Variants in SESN1 observed in about 807,000 individuals in gnomAD.
The protein encoded by SESN1 is sestrin 1.
Under a neutral mutation model 59.3 loss-of-function variants are expected in SESN1, and 30 were observed. The ratio of observed to expected loss-of-function variants is 0.51; its 90% CI spans 0.38 to 0.69. SESN1 has a LOEUF of 0.69. SESN1 is among the 30% of genes least tolerant of loss of function. SESN1 has a pLI of 0.00. For missense variants in SESN1, 566 were observed against 673.0 expected, an observed-to-expected ratio of 0.84 and a Z score of 1.76; for synonymous variants, 197 against 219.9, an observed-to-expected ratio of 0.90 and a Z score of 0.92.
intron 1 of SESN1, among the ~76,000 whole-genome samples, chr6:109,078,466 T>C (rs1013656013): frequency 1.3e-5 from 2 of 152,170 alleles, no homozygotes; most frequent in Non-Finnish European, 2.9e-5. Flanking sequence ...CACTTGTATA[T>C]AAAAGACATA....
intron 1 of SESN1, among the ~76,000 whole-genome samples, chr6:109,045,365 G>A (rs970375109): frequency 6.6e-6 from 1 of 152,166 alleles, no homozygotes; most frequent in African/African-American, 2.4e-5. Flanking sequence ...CTACACTGGA[G>A]AAGTCTTTCC....
chr6:109,011,452 G>T (rs1332663137), intron 1 of SESN1, among the ~76,000 whole-genome samples: 1 of 152,000 alleles, frequency 6.6e-6, no homozygotes, highest in Non-Finnish European at 1.5e-5. Context: ...TAAATGTCAA[G>T]ATTCCTTTAT....
intron 1 of SESN1, among the ~76,000 whole-genome samples, chr6:109,003,345 T>C (rs1347457218): frequency 6.6e-6 from 1 of 151,536 alleles, no homozygotes; most frequent in Non-Finnish European, 1.5e-5. Context: ...AACCAGATAT[T>C]TTCCTTTTAA....
At chr6:108,995,758 T>C (rs552504783) in intron 5 of SESN1, among the ~76,000 whole-genome samples, 2 of 152,232 alleles carry the variant, frequency 1.3e-5, no homozygotes, top group African/African-American at 2.4e-5. Context: ...TATTCCAGCC[T>C]GGACAACAGA....
chr6:109,066,870 C>T (rs1342703998), intron 1 of SESN1, among the ~76,000 whole-genome samples: 1 of 142,526 alleles, frequency 7.0e-6, no homozygotes, highest in African/African-American at 2.8e-5. Context: ...TGAAGACTTA[C>T]AGTACAGCAA....
At chr6:108,994,341 T>C (rs935020350) in intron 6 of SESN1, 121 bp downstream of exon 6, 3 of 715,104 alleles carry the variant, frequency 4.2e-6, no homozygotes, top group Non-Finnish European at 6.5e-6. Context: ...GGAATACCTA[T>C]GCAATAGTCT....
chr6:109,000,431 C>A (rs1779591200), intron 4 of SESN1, 60 bp downstream of exon 4: 3 of 1,311,848 alleles, frequency 2.3e-6, no homozygotes, highest in African/African-American at 3.0e-5. Flanking sequence ...TTTCTGTAAT[C>A]CTAAAACTGC....
In SESN1 at chr6:109,094,161, A is replaced by C; in HGVS notation, c.-88T>G. On this transcript the variant is annotated 5_prime_UTR_variant, in exon 1 of 10. In the 5' UTR this introduces an upstream ATG that the reference lacks. Coordinates refer to ENST00000436639, the MANE Select transcript of SESN1 (RefSeq NM_014454.3). ...GTATTTTTAAAATGAAAAATGTAAA[A>C]ATAAAATCAGAGAAATCAAATCGTC... The C allele has an allele frequency of 7.3e-7, 1 of 1,375,628 alleles. No individual in the cohort carries two copies. The highest frequency in any genetic ancestry group is 9.9e-7 in the Non-Finnish European group (1 of 1,012,030). The allele number at this position is 1,375,628 out of a possible 1,614,324, so 85.2% of individuals were successfully genotyped here.
rs965415619 is a variant in SESN1 at position 109,022,958 on chromosome 6, GC to G, written c.280-20616del. ...GTGATTGTGTGCCCATCAGAAAGAG[GC>G]CAAGGGACCCTAACTCCTACCATCT... On this transcript the variant is annotated intron_variant, in intron 1 of 9. Coordinates refer to ENST00000436639, the MANE Select transcript of SESN1 (RefSeq NM_014454.3). Among the ~76,000 whole-genome samples the G allele has an allele frequency of 2.6e-5, 4 of 152,134 alleles. No individual in the cohort carries two copies. In the East Asian group the frequency reaches 7.7e-4, roughly 29 times the overall value.
At chr6:109,036,747 C>G (rs190455278) in intron 1 of SESN1, among the ~76,000 whole-genome samples, 9 of 152,282 alleles carry the variant, frequency 5.9e-5, no homozygotes, top group African/African-American at 2.2e-4. Flanking sequence ...ACAATTTTAG[C>G]TTTCTTGTTT....
In SESN1 at chr6:109,000,741, A is replaced by G. The variant is rs1399873801; in HGVS notation, c.547-68T>C. 5 of 1,239,816 alleles carry G rather than the reference A, an allele frequency of 4.0e-6. No homozygotes were observed. The African/African-American group carries it at 7.8e-5, about 19-fold the overall frequency. The allele number at this position is 1,239,816 out of a possible 1,614,324, so 76.8% of individuals were successfully genotyped here. A position where few individuals can be genotyped will look rare whatever the true frequency, so the allele number is the denominator to read the frequency against. ...TGAACTACATATCCTTTTTATTTAC[A>G]ACATGCAAAAGAGCTAATTAAGTTT... On this transcript the variant is annotated intron_variant, in intron 3 of 9. Transcript: ENST00000436639.
chr6:109,093,675 A>G (rs1439481252), intron 1 of SESN1, 120 bp downstream of exon 1: 4 of 1,006,538 alleles, frequency 4.0e-6, no homozygotes, highest in Non-Finnish European at 5.8e-6. Context: ...CACTCTAAAG[A>G]TGTAAACTCA....
chr6:109,008,934 T>TA, intron 1 of SESN1: 1 of 990,210 alleles, frequency 1.0e-6, no homozygotes, highest in Middle Eastern at 5.1e-4. Flanking sequence ...GGTGGCTAAA[T>TA]AATCTGTTTT....
rs756075837 is a variant in SESN1, at chr6:109,094,086, T to C, written c.-13A>G. On this transcript the variant is annotated 5_prime_UTR_variant, in exon 1 of 10. Transcript: ENST00000436639. The stretch of plus-strand genomic sequence containing the variant: ...CTCCTTCAGCCATGACAATAGTTTT[T>C]CCTTTGCGGTCTTCAGTTACCTTTC... 6.5e-5 allele frequency: 104 copies of C among 1,600,998 alleles called. 1 individual carries two copies. The highest frequency in any genetic ancestry group is 8.7e-5 in the Non-Finnish European group (102 of 1,171,266).
chr6:109,062,115 C>G (rs1210409248), intron 1 of SESN1, among the ~76,000 whole-genome samples: 3 of 152,198 alleles, frequency 2.0e-5, no homozygotes, highest in Non-Finnish European at 2.9e-5. Flanking sequence ...GCCTTGAACT[C>G]CTAGTCTCAA....
At chr6:109,092,628 A>G (rs1267716660) in intron 1 of SESN1, among the ~76,000 whole-genome samples, 1 of 152,218 alleles carries the variant, frequency 6.6e-6, no homozygotes, top group Non-Finnish European at 1.5e-5. Flanking sequence ...CCTTTGCTGC[A>G]CAACAATAGT....
At chr6:109,030,106 C>T (rs983113186) in intron 1 of SESN1, among the ~76,000 whole-genome samples, 4 of 152,164 alleles carry the variant, frequency 2.6e-5, no homozygotes, top group African/African-American at 2.4e-5. Context: ...GGGTCTTAGA[C>T]ACGTGTCTGC....
rs1779196082 is a variant in SESN1 at position 108,986,472 on chromosome 6, AC to A, written c.*1071del. 1 of 152,698 alleles carries A rather than the reference AC, an allele frequency of 6.5e-6. No individual in the cohort carries two copies. Among genetic ancestry groups the A allele is most frequent in the Admixed American group, 6.5e-5 (1 of 15,290 alleles). The allele number at this position is 152,698 out of a possible 1,614,324, so 9.5% of individuals were successfully genotyped here. ...GAAAAATTCTTCTTTATTTAAAAATACCAGTAATACTGACAGACTTCAAAAG... is the reference window on the plus strand; with the variant it reads ...GAAAAATTCTTCTTTATTTAAAAATACAGTAATACTGACAGACTTCAAAAG... On this transcript the variant is annotated 3_prime_UTR_variant, in exon 10 of 10. Transcript: ENST00000436639.
At chr6:109,082,729 G>T (rs562005641) in intron 1 of SESN1, among the ~76,000 whole-genome samples, 165 of 152,326 alleles carry the variant, frequency 1.1e-3, no homozygotes, top group Non-Finnish European at 2.8e-4. Context: ...GGTACCCTAT[G>T]ACACGATGTA....
Sources: allele counts gnomAD v4.1 joint callset (sites outside exome capture counted in the v4.1 genomes callset), GRCh38; gene constraint gnomAD v4.1.1; transcripts MANE v1.5; gene names NCBI Gene and HGNC (gene_info 2026-07-23, HGNC 2026-07-21).